CASP5: variants seen among roughly 807,000 people sequenced by gnomAD.
The protein encoded by CASP5 is caspase-5.
CASP5 carries 42 observed loss-of-function variants against 45.2 expected under a neutral mutation model. The ratio of observed to expected loss-of-function variants is 0.93; its 90% CI spans 0.73 to 1.20. The LOEUF (loss-of-function observed/expected upper bound fraction) is 1.20, where lower values mean the gene tolerates loss of function less well. CASP5 is among the 50% of genes most tolerant of loss of function. The pLI, the probability that CASP5 is intolerant of heterozygous loss-of-function variation, is 0.00. For missense variants in CASP5, 512 were observed against 532.2 expected (o/e 0.96, Z 0.37); for synonymous variants, 209 against 186.2 (o/e 1.12, Z -1.00).
In CASP5 at chr11:105,019,609, G is replaced by A. The variant is rs549950565; in HGVS notation, c.7+3521C>T. 4.9e-4 allele frequency among the ~76,000 whole-genome samples: 73 copies of A among 148,974 alleles called. 4 individuals are homozygous for A. The South Asian group carries it at 0.015, about 31-fold the overall frequency. On this transcript the variant is annotated intron_variant, in intron 1 of 9. Coordinates refer to ENST00000260315, the MANE Select transcript of CASP5 (RefSeq NM_004347.5). ...CACTCTCCCAAGACTAAACCAGGAA[G>A]AAGTTGAATCTCTGAATGGACCAAT...
At position 104,997,445 on chromosome 11, in the gene CASP5, C is replaced by G. The variant is rs45458695; in HGVS notation, c.1144G>C (p.Glu382Gln). The change falls in exon 8 of 10, where the codon GAA becomes CAA. Residue 382 changes from glutamate to glutamine, a missense_variant. Glu to Gln is a conservative substitution (Grantham distance 29). Coordinates refer to ENST00000260315, the MANE Select transcript of CASP5 (RefSeq NM_004347.5). ...DRTRGSIFIT[E>Q]LITCFQKYSC... ...TATTTCTGGAAGCATGTGATGAGTT[C>G]CGTAATGAAGATGGAGCCCCTTGTG... The G allele has an allele frequency of 9.6e-4, 1,547 of 1,613,326 alleles. 3 individuals carry two copies. The highest frequency in any genetic ancestry group is 1.7e-3 in the South Asian group (153 of 91,080).
intron 1 of CASP5, among the ~76,000 whole-genome samples, chr11:105,009,788 C>T (rs1298841177): frequency 6.1e-4 from 49 of 80,810 alleles, no homozygotes; most frequent in African/African-American, 2.0e-3. Flanking sequence ...TATATATATA[C>T]ACACGTATAT....
At chr11:105,001,451 G>T (rs1398264890) in intron 5 of CASP5, among the ~76,000 whole-genome samples, 1 of 152,174 alleles carries the variant, frequency 6.6e-6, no homozygotes, top group Admixed American at 6.5e-5. Flanking sequence ...CAGATCACGA[G>T]GTCAGGAGAT....
At chr11:105,009,720 CATATAT>C (rs199695891) in intron 1 of CASP5, among the ~76,000 whole-genome samples, 792 of 64,058 alleles carry the variant, frequency 0.012, 9 homozygotes, top group South Asian at 0.045. Flanking sequence ...TATATACACA[CATATAT>C]ATATATATAT....
chr11:104,994,771 C>G (rs1255141475), intron 9 of CASP5, among the ~76,000 whole-genome samples: 1 of 152,218 alleles, frequency 6.6e-6, no homozygotes, highest in South Asian at 2.1e-4. Context: ...CACTTGTATT[C>G]TGTGCTGGAA....
intron 4 of CASP5, 128 bp downstream of exon 4, chr11:105,003,146 G>A: frequency 1.5e-6 from 1 of 671,206 alleles, no homozygotes; most frequent in South Asian, 1.7e-5. Context: ...ATAGCAGTCA[G>A]CTATGATCAC....
At chr11:105,014,732 G>A (rs1862505371) in intron 1 of CASP5, among the ~76,000 whole-genome samples, 1 of 152,214 alleles carries the variant, frequency 6.6e-6, no homozygotes, top group Non-Finnish European at 1.5e-5. Flanking sequence ...TCTGCTAGTT[G>A]TGAGGGTACC....
Position 105,009,810 on chromosome 11 carries a change from CACACAT to C in CASP5, c.8-836_8-831del, listed in dbSNP as rs1236137936. ...ATACACACGTATATATATATATACA[CACACAT>C]ATATATATACACATATATATATACA... On this transcript the variant is annotated intron_variant, in intron 1 of 9. Transcript: ENST00000260315. 3.9e-3 allele frequency among the ~76,000 whole-genome samples: 380 copies of C among 98,366 alleles called. 14 individuals are homozygous for C. Among genetic ancestry groups the C allele is most frequent in the African/African-American group, 0.02 (360 of 17,910 alleles). 64.5% of individuals were successfully genotyped at this position (98,366 alleles called of 152,430 possible). A position where few individuals can be genotyped will look rare whatever the true frequency, so the allele number is the denominator to read the frequency against.
At chr11:105,004,026 A>G (rs746817740) in intron 3 of CASP5, among the ~76,000 whole-genome samples, 10 of 152,090 alleles carry the variant, frequency 6.6e-5, no homozygotes, top group Admixed American at 2.0e-4. Flanking sequence ...TGTATACAAC[A>G]AACGTTTGAT....
At chr11:105,019,371 G>T (rs1175190263) in intron 1 of CASP5, among the ~76,000 whole-genome samples, 1 of 150,152 alleles carries the variant, frequency 6.7e-6, no homozygotes. Context: ...CCAGGAGCTG[G>T]TTTTTTGAAA....
chr11:105,009,756 T>TATATATACAC (rs1555079432), intron 1 of CASP5, among the ~76,000 whole-genome samples: 1 of 93,250 alleles, frequency 1.1e-5, no homozygotes, highest in African/African-American at 4.3e-5. Flanking sequence ...TATATATATA[T>TATATATACAC]ATACACACAC....
rs1388692222 is a variant in CASP5 at position 105,002,192 on chromosome 11, T to C, written c.553A>G (p.Ile185Val). The C allele has an allele frequency of 1.2e-6, 2 of 1,614,028 alleles. No individual in the cohort carries two copies. The highest frequency in any genetic ancestry group is 8.5e-7 in the Non-Finnish European group (1 of 1,179,964). The change falls in exon 5 of 10, where the codon ATA becomes GTA. Residue 185 changes from isoleucine (I) to valine (V), a missense_variant. Coordinates refer to ENST00000260315, the MANE Select transcript of CASP5 (RefSeq NM_004347.5). ...CGTCTGCGGTCCTCTCTCTTTTTTATTGGATAGATCTGCAGGAGATGGAGA... is the reference window on the plus strand; with the variant it reads ...CGTCTGCGGTCCTCTCTCTTTTTTACTGGATAGATCTGCAGGAGATGGAGA... ...CKKNHDEIYP[I>V]KKREDRRRLA...
intron 4 of CASP5, 100 bp from the exon 5 acceptor site, chr11:105,002,301 A>G (rs2134704311): frequency 1.2e-6 from 1 of 843,010 alleles, no homozygotes; most frequent in East Asian, 2.5e-5. Context: ...TGCAGCTGCC[A>G]CCTTCCCTAA....
At chr11:105,009,720 CATATATATATATATATATATAT>C (rs199695891) in intron 1 of CASP5, among the ~76,000 whole-genome samples, 13 of 64,070 alleles carry the variant, frequency 2.0e-4, no homozygotes, top group East Asian at 1.6e-3. Flanking sequence ...TATATACACA[CATATATATATATATATATATAT>C]ATATATATAT....
intron 9 of CASP5, 49 bp downstream of exon 9, chr11:104,995,691 G>C (rs770533387): frequency 8.3e-7 from 1 of 1,211,036 alleles, no homozygotes; most frequent in Non-Finnish European, 1.2e-6. Context: ...CTTCACCACC[G>C]ATATAGCTCT....
intron 5 of CASP5, among the ~76,000 whole-genome samples, chr11:105,001,244 T>C (rs1012363054): frequency 6.6e-6 from 1 of 152,368 alleles, no homozygotes; most frequent in East Asian, 1.9e-4. Flanking sequence ...TTCGTTTATA[T>C]TGTGAGATTT....
At chr11:105,001,507 AT>A (rs1861722715) in intron 5 of CASP5, among the ~76,000 whole-genome samples, 1 of 152,202 alleles carries the variant, frequency 6.6e-6, no homozygotes, top group Non-Finnish European at 1.5e-5. Flanking sequence ...TCTGTTAAAA[AT>A]AGAGAAAATT....
rs1377607062 is a variant in CASP5 at position 105,002,332 on chromosome 11, C to G, written c.544-131G>C. The G allele has an allele frequency of 8.9e-6, 6 of 673,222 alleles. No homozygotes were observed. In the East Asian group the frequency reaches 1.6e-4, roughly 18 times the overall value. The allele number at this position is 673,222 out of a possible 1,614,324, so 41.7% of individuals were successfully genotyped here. A position where few individuals can be genotyped will look rare whatever the true frequency, so the allele number is the denominator to read the frequency against. On this transcript the variant is annotated intron_variant, in intron 4 of 9. Transcript: ENST00000260315. The stretch of plus-strand genomic sequence containing the variant: ...CCTAACCTCTATCAGAAGACACTGC[C>G]TTCCTCTCTCTCAAGAGCCCAGAGC...
In CASP5 at chr11:105,003,267, A is replaced by C. The variant is rs1861832752; in HGVS notation, c.543+7T>G. The C allele has an allele frequency of 6.7e-7, 1 of 1,482,590 alleles. No homozygotes were observed. Among genetic ancestry groups the C allele is most frequent in the Non-Finnish European group, 9.4e-7 (1 of 1,063,670 alleles). 91.8% of individuals were successfully genotyped at this position (1,482,590 alleles called of 1,614,324 possible). A position where few individuals can be genotyped will look rare whatever the true frequency, so the allele number is the denominator to read the frequency against. On this transcript the variant is annotated splice_region_variant and intron_variant, in intron 4 of 9. Transcript: ENST00000260315. ...TTCTTCCCCATTTCATACAGAGAGC[A>C]CAGCACCTCATCATGATTTTTTTTA...
Sources: allele counts gnomAD v4.1 joint callset (sites outside exome capture counted in the v4.1 genomes callset), GRCh38; gene constraint gnomAD v4.1.1; transcripts MANE v1.5; gene names NCBI Gene and HGNC (gene_info 2026-07-23, HGNC 2026-07-21).